The following NPAS3 variants were observed in gnomAD, a reference collection of about 807,000 sequenced individuals.
NPAS3 encodes the protein neuronal PAS domain protein 3, also known as neuronal PAS domain-containing protein 3.
Under a neutral mutation model 73.1 loss-of-function variants are expected in NPAS3, and 14 were observed. The ratio of observed to expected loss-of-function variants is 0.19; its 90% confidence interval spans 0.13 to 0.30. NPAS3 has a LOEUF of 0.30. Ranked by LOEUF, NPAS3 falls within the 10% of genes least tolerant of loss-of-function variation. The pLI is 1.00. For synonymous variants in NPAS3, 620 were observed against 541.5 expected (o/e 1.14, Z -2.01); for missense variants, 1,096 against 1,250.0 (o/e 0.88, Z 1.86).
intron 5 of NPAS3, among the ~76,000 whole-genome samples, chr14:33,602,701 C>G (rs1468727746): frequency 6.6e-6 from 1 of 151,996 alleles, no homozygotes; most frequent in Admixed American, 6.6e-5. Flanking sequence ...TGTTTTGTTT[C>G]ATTTGGTGAC....
chr14:33,010,432 A>C (rs933035712), intron 1 of NPAS3, among the ~76,000 whole-genome samples: 2 of 152,246 alleles, frequency 1.3e-5, no homozygotes, highest in Non-Finnish European at 2.9e-5. Flanking sequence ...ACTTTGAGCC[A>C]ATCTATGTAA....
intron 7 of NPAS3, among the ~76,000 whole-genome samples, chr14:33,771,559 C>T (rs2062652453): frequency 6.6e-6 from 1 of 152,148 alleles, no homozygotes; most frequent in African/African-American, 2.4e-5. Context: ...TGCTTGTAAT[C>T]CCAGCACTTT....
intron 1 of NPAS3, among the ~76,000 whole-genome samples, chr14:32,977,381 C>CACA (rs1595137009): frequency 6.7e-6 from 1 of 148,540 alleles, no homozygotes; most frequent in African/African-American, 2.6e-5. Flanking sequence ...CACACACACA[C>CACA]CCCTAATCTA....
At chr14:33,313,280 G>A (rs2043078534) in intron 3 of NPAS3, among the ~76,000 whole-genome samples, 1 of 152,044 alleles carries the variant, frequency 6.6e-6, no homozygotes. Context: ...TCTATCATTT[G>A]AATCCCCTGA....
chr14:33,250,341 A>G (rs908728662), intron 3 of NPAS3, among the ~76,000 whole-genome samples: 1 of 152,100 alleles, frequency 6.6e-6, no homozygotes, highest in African/African-American at 2.4e-5. Context: ...AGAAGGAAAA[A>G]GAGGATTTAT....
At chr14:33,052,434 A>T (rs1466951732) in intron 1 of NPAS3, among the ~76,000 whole-genome samples, 5 of 152,234 alleles carry the variant, frequency 3.3e-5, no homozygotes, top group Admixed American at 2.0e-4. Context: ...AAACTGCCCA[A>T]GTCCAAAGGT....
intron 4 of NPAS3, among the ~76,000 whole-genome samples, chr14:33,424,919 T>A (rs907640593): frequency 6.6e-6 from 1 of 151,856 alleles, no homozygotes; most frequent in Non-Finnish European, 1.5e-5. Context: ...CTGGGTAAGG[T>A]TGAAGGACTA....
chr14:33,212,804 CAAAT>C (rs1309839820), intron 2 of NPAS3, among the ~76,000 whole-genome samples: 1 of 152,066 alleles, frequency 6.6e-6, no homozygotes, highest in Non-Finnish European at 1.5e-5. Context: ...ACATAAGTAA[CAAAT>C]AAATACATTC....
At chr14:33,171,242 C>T (rs1449234827) in intron 2 of NPAS3, among the ~76,000 whole-genome samples, 2 of 152,210 alleles carry the variant, frequency 1.3e-5, no homozygotes, top group Non-Finnish European at 2.9e-5. Flanking sequence ...GTGAGCTTAA[C>T]ATATTCAATA....
chr14:33,211,882 C>A (rs2139658410), intron 2 of NPAS3, among the ~76,000 whole-genome samples: 1 of 152,162 alleles, frequency 6.6e-6, no homozygotes, highest in Admixed American at 6.5e-5. Context: ...AACATTAGAG[C>A]AATGGGAAGT....
intron 5 of NPAS3, among the ~76,000 whole-genome samples, chr14:33,655,478 AAACTT>A (rs1255277233): frequency 6.6e-6 from 1 of 152,118 alleles, no homozygotes; most frequent in Non-Finnish European, 1.5e-5. Context: ...ATTCATATAA[AAACTT>A]AACAGCACTT....
intron 5 of NPAS3, chr14:33,578,334 C>G (rs2056529449): frequency 2.4e-6 from 1 of 416,436 alleles, no homozygotes; most frequent in South Asian, 1.8e-5. Context: ...GCTGGAATTA[C>G]AGGCATGTAC....
At chr14:32,964,613 G>A (rs1285504282) in intron 1 of NPAS3, among the ~76,000 whole-genome samples, 2 of 152,136 alleles carry the variant, frequency 1.3e-5, no homozygotes, top group Non-Finnish European at 2.9e-5. Context: ...TTGTAAATAG[G>A]CAGCCCATAT....
At chr14:33,802,398 AAAAAGAAAAAG>A (rs1311229069), downstream of NPAS3, 12 of 151,542 alleles carry the variant, frequency 7.9e-5, no homozygotes, top group African/African-American at 2.7e-4. Flanking sequence ...AAAAGAAAAA[AAAAAGAAAAAG>A]AAAAAGAAAA....
intron 3 of NPAS3, among the ~76,000 whole-genome samples, chr14:33,224,604 T>G (rs1449681069): frequency 6.6e-6 from 1 of 152,118 alleles, no homozygotes; most frequent in Non-Finnish European, 1.5e-5. Flanking sequence ...GAACTAGAAT[T>G]TGGGCCTCTG....
intron 4 of NPAS3, among the ~76,000 whole-genome samples, chr14:33,527,023 C>A (rs1418557785): frequency 1.3e-5 from 2 of 152,140 alleles, no homozygotes; most frequent in Non-Finnish European, 1.5e-5. Context: ...AGGAAGCTGG[C>A]AGAACCCCCA....
At chr14:33,713,032 A>G (rs562869069) in intron 6 of NPAS3, among the ~76,000 whole-genome samples, 1 of 152,212 alleles carries the variant, frequency 6.6e-6, no homozygotes, top group East Asian at 1.9e-4. Context: ...CCCAGAGTCA[A>G]CCCTTCTGAA....
chr14:33,737,905 T>A lies in NPAS3; in HGVS notation c.852+2573T>A, dbSNP rs940594696. Among the ~76,000 whole-genome samples, 7 of 152,322 alleles carry A rather than the reference T, an allele frequency of 4.6e-5. No individual in the cohort carries two copies. In the East Asian group the frequency reaches 1.2e-3, roughly 25 times the overall value. On this transcript the variant is annotated intron_variant, in intron 7 of 11. Coordinates refer to ENST00000356141, the Ensembl canonical transcript of NPAS3. ...CTAATTTATGACCATTGTATGCATC[T>A]TTTCCCATAAAGATCCTAAGATGTC...
At chr14:33,672,019 A>G (rs942238386) in intron 5 of NPAS3, among the ~76,000 whole-genome samples, 2 of 152,232 alleles carry the variant, frequency 1.3e-5, no homozygotes, top group African/African-American at 4.8e-5. Flanking sequence ...TATTGGTGAT[A>G]TCAAGGGATA....
Sources: allele counts gnomAD v4.1 joint callset (sites outside exome capture counted in the v4.1 genomes callset), GRCh38; gene constraint gnomAD v4.1.1; transcripts MANE v1.5; gene names NCBI Gene and HGNC (gene_info 2026-07-23, HGNC 2026-07-21).